AMMECR1: variants seen among roughly 807,000 people sequenced by gnomAD.
The protein encoded by AMMECR1 is nuclear protein AMMECR1.
A neutral mutation model predicts 22.5 loss-of-function variants in AMMECR1; 3 were observed. The observed-to-expected ratio is 0.13, with a 90% confidence interval of 0.06 to 0.35. The LOEUF (loss-of-function observed/expected upper bound fraction) is 0.35. Ranked by LOEUF, AMMECR1 falls within the 10% of genes least tolerant of loss-of-function variation. The pLI is 1.00. For synonymous variants in AMMECR1, 130 were observed against 116.7 expected, an observed-to-expected ratio of 1.11 and a Z score of -0.74; for missense variants, 235 against 278.7, an observed-to-expected ratio of 0.84 and a Z score of 1.12.
chrX:110,292,348 A>G (rs2067913404), intron 1 of AMMECR1, among the ~76,000 whole-genome samples: 1 of 111,337 alleles, frequency 9.0e-6, no homozygotes, highest in African/African-American at 3.3e-5. Flanking sequence ...TCCAGCAATC[A>G]TGCTCCTTCG....
chrX:110,222,232 G>A (rs1396211311), intron 2 of AMMECR1, among the ~76,000 whole-genome samples: 1 of 84,589 alleles, frequency 1.2e-5, no homozygotes, highest in Non-Finnish European at 2.3e-5. Context: ...TTAAGAAAAT[G>A]TGGCACATAT....
intron 2 of AMMECR1, among the ~76,000 whole-genome samples, chrX:110,227,522 T>C (rs185615373): frequency 7.4e-4 from 83 of 112,394 alleles, no homozygotes; most frequent in Middle Eastern, 4.6e-3. Flanking sequence ...CACTACCTCA[T>C]TGTAAAGTTT....
chrX:110,259,561 TA>T (rs1315256765), intron 2 of AMMECR1, among the ~76,000 whole-genome samples: 1 of 110,552 alleles, frequency 9.0e-6, no homozygotes, highest in Admixed American at 9.6e-5. Flanking sequence ...GGAAATTTAT[TA>T]GCCAAAATTT....
At chrX:110,200,312 G>A (rs1423709796) in intron 5 of AMMECR1, among the ~76,000 whole-genome samples, 2 of 111,603 alleles carry the variant, frequency 1.8e-5, no homozygotes, top group African/African-American at 6.5e-5. Context: ...TGTGAACTCA[G>A]GGAGAGCAGA....
chrX:110,437,444 G>A (rs1390369007), intron 1 of AMMECR1, among the ~76,000 whole-genome samples: 1 of 112,078 alleles, frequency 8.9e-6, no homozygotes, highest in Non-Finnish European at 1.9e-5. Flanking sequence ...ATGAGGTTTA[G>A]ATAGGTTATA....
intron 2 of AMMECR1, among the ~76,000 whole-genome samples, chrX:110,364,514 A>G (rs5985461): frequency 0.077 from 8,523 of 111,275 alleles, 710 homozygotes; most frequent in African/African-American, 0.25. Context: ...TGGTTTCCTA[A>G]GTAGATTTCC....
intron 1 of AMMECR1, among the ~76,000 whole-genome samples, chrX:110,305,228 G>A: frequency 8.9e-6 from 1 of 112,062 alleles, no homozygotes; most frequent in Non-Finnish European, 1.9e-5. Flanking sequence ...TGAAATATTA[G>A]AACCAGTCAT....
chrX:110,410,043 T>C (rs1569424080), intron 2 of AMMECR1, among the ~76,000 whole-genome samples: 1 of 112,047 alleles, frequency 8.9e-6, no homozygotes, highest in Non-Finnish European at 1.9e-5. Flanking sequence ...TTATTAACAG[T>C]ATCACTGGTG....
At chrX:110,305,263 G>C (rs1420895483) in intron 1 of AMMECR1, among the ~76,000 whole-genome samples, 2 of 112,212 alleles carry the variant, frequency 1.8e-5, no homozygotes, top group Non-Finnish European at 3.8e-5. Context: ...TACTTGCATA[G>C]AATAAGAGAT....
chrX:110,204,447 G>A (rs1254811234), intron 3 of AMMECR1, among the ~76,000 whole-genome samples: 1 of 110,919 alleles, frequency 9.0e-6, no homozygotes, highest in Admixed American at 9.6e-5. Context: ...CTGGCAAGGG[G>A]TGGGGAGCGG....
intron 1 of AMMECR1, among the ~76,000 whole-genome samples, chrX:110,287,615 A>G (rs776715787): frequency 8.9e-6 from 1 of 112,123 alleles, no homozygotes; most frequent in Admixed American, 9.4e-5. Flanking sequence ...CTTCCAAGTT[A>G]CTAGTCTACA....
chrX:110,424,125 A>T (rs2068737872), intron 2 of AMMECR1, among the ~76,000 whole-genome samples: 1 of 111,738 alleles, frequency 8.9e-6, no homozygotes, highest in Non-Finnish European at 1.9e-5. Flanking sequence ...ACTGAGGCTC[A>T]GGAAACATAA....
chrX:110,432,859 C>T (rs1474136468), intron 1 of AMMECR1, among the ~76,000 whole-genome samples: 1 of 112,965 alleles, frequency 8.9e-6, no homozygotes, highest in East Asian at 2.8e-4. Context: ...TGGCAAAGAG[C>T]TTTCACAGCT....
chrX:110,428,716 G>C (rs138409767), intron 1 of AMMECR1, among the ~76,000 whole-genome samples: 1,475 of 111,171 alleles, frequency 0.013, 17 homozygotes, highest in African/African-American at 0.046. Context: ...TGGAATTCCA[G>C]ATCCTTCCTT....
At chrX:110,241,413 T>G (rs1240350903) in intron 2 of AMMECR1, among the ~76,000 whole-genome samples, 1 of 111,821 alleles carries the variant, frequency 8.9e-6, no homozygotes, top group Non-Finnish European at 1.9e-5. Flanking sequence ...TCACCACTTA[T>G]CTCACAGAAA....
intron 3 of AMMECR1, among the ~76,000 whole-genome samples, chrX:110,204,818 G>A (rs186182138): frequency 6.8e-4 from 76 of 111,344 alleles, no homozygotes; most frequent in Middle Eastern, 4.6e-3. Flanking sequence ...AATTACTCAC[G>A]AATAAGACTG....
intron 2 of AMMECR1, among the ~76,000 whole-genome samples, chrX:110,404,575 A>G (rs1013405495): frequency 8.9e-6 from 1 of 112,244 alleles, no homozygotes; most frequent in African/African-American, 3.2e-5. Context: ...AACAGGTAAC[A>G]CATGCAGTAG....
At position 110,340,591 on chromosome X, in the gene AMMECR1, C is replaced by G. The variant is rs1380835921; in HGVS notation, c.-147-22742G>C. ...GTTACTAGTGTGACCATGAACAAAT[C>G]ATATAACCTCTCTGAGTTACAATTT... On this transcript the variant is annotated intron_variant, in intron 2 of 7. Coordinates refer to the AMMECR1 transcript ENST00000372057. 1.3e-4 allele frequency among the ~76,000 whole-genome samples: 14 copies of G among 111,900 alleles called. No individual in the cohort carries two copies. In the Admixed American group the frequency reaches 1.3e-3, roughly 11 times the overall value.
chrX:110,394,843 G>T (rs2068518295), intron 2 of AMMECR1, among the ~76,000 whole-genome samples: 1 of 112,965 alleles, frequency 8.9e-6, no homozygotes, highest in South Asian at 3.6e-4. Context: ...TAGGCCTCCA[G>T]GAAGAGGAGG....
Sources: gnomAD v4.1 joint callset for allele counts (sites outside exome capture counted in the v4.1 genomes callset) on GRCh38, gnomAD v4.1.1 for gene constraint, MANE v1.5 for transcripts, NCBI Gene and HGNC (gene_info 2026-07-23, HGNC 2026-07-21) for gene names.